The following CBLB variants were observed in gnomAD, a reference collection of about 807,000 sequenced individuals.
The protein encoded by CBLB is E3 ubiquitin-protein ligase CBL-B.
A neutral mutation model predicts 104.9 loss-of-function variants in CBLB; 31 were observed. That is an observed-to-expected ratio of 0.30 (90% confidence interval 0.22 to 0.40). The LOEUF (loss-of-function observed/expected upper bound fraction) is 0.40. Among genes scored for constraint, CBLB ranks in the 10% least tolerant of loss-of-function variants. CBLB has a pLI of 1.00. For missense variants in CBLB, 1,062 were observed against 1,214.6 expected (o/e 0.87, Z 1.87); for synonymous variants, 440 against 422.6 (o/e 1.04, Z -0.51).
intron 3 of CBLB, among the ~76,000 whole-genome samples, chr3:105,835,340 A>G (rs995667445): frequency 3.3e-5 from 5 of 152,218 alleles, no homozygotes; most frequent in Non-Finnish European, 7.4e-5. Context: ...ACTATCTCAC[A>G]GTGAAGGAAA....
At chr3:105,834,795 A>G (rs1488245486) in intron 3 of CBLB, among the ~76,000 whole-genome samples, 1 of 152,248 alleles carries the variant, frequency 6.6e-6, no homozygotes, top group Non-Finnish European at 1.5e-5. Context: ...CGACAATAAG[A>G]GCACAGATTT....
At chr3:105,784,813 CCT>C (rs547074259) in intron 3 of CBLB, among the ~76,000 whole-genome samples, 91 of 152,274 alleles carry the variant, frequency 6.0e-4, no homozygotes, top group African/African-American at 2.1e-3. Flanking sequence ...GTTAGAAACT[CCT>C]CAAGTATTTC....
At chr3:105,759,329 C>T (rs536928822) in intron 4 of CBLB, among the ~76,000 whole-genome samples, 86 of 152,314 alleles carry the variant, frequency 5.6e-4, no homozygotes, top group African/African-American at 1.7e-3. Context: ...TAAGTTTTCA[C>T]TCCCACTGTG....
chr3:105,781,966 C>T (rs1297169665), intron 3 of CBLB, among the ~76,000 whole-genome samples: 1 of 152,150 alleles, frequency 6.6e-6, no homozygotes, highest in Non-Finnish European at 1.5e-5. Context: ...AACTCACATC[C>T]AGCTAAAGAG....
rs977328196 is a variant in CBLB at position 105,687,861 on chromosome 3, G to A, written c.2055-2395C>T. ...ATCAAAAAAAATAACAGAAGAGGAT[G>A]GTACAAATGAGATAAAGAAGTTGTA... On this transcript the variant is annotated intron_variant, in intron 13 of 18. Transcript: ENST00000394030. 4.6e-5 allele frequency among the ~76,000 whole-genome samples: 7 copies of A among 150,984 alleles called. 1 individual carries two copies. Among genetic ancestry groups the A allele is most frequent in the African/African-American group, 1.2e-4 (5 of 41,180 alleles).
At chr3:105,742,631 A>G (rs910758299) in intron 6 of CBLB, among the ~76,000 whole-genome samples, 1 of 152,178 alleles carries the variant, frequency 6.6e-6, no homozygotes, top group African/African-American at 2.4e-5. Context: ...TATAAATTAT[A>G]ATTCAGAAGG....
chr3:105,659,732 G>A (rs1331759576), intron 18 of CBLB, among the ~76,000 whole-genome samples: 1 of 152,014 alleles, frequency 6.6e-6, no homozygotes, highest in Non-Finnish European at 1.5e-5. Context: ...CCATGTCACA[G>A]CAGAACTGCT....
In CBLB at chr3:105,702,476, G is replaced by GAAAAAAAAAA. The variant is rs34208930; in HGVS notation, c.1594-27_1594-18dup. The GAAAAAAAAAA allele has an allele frequency of 2.3e-3, 645 of 279,316 alleles. 4 individuals are homozygous for GAAAAAAAAAA. Among genetic ancestry groups the GAAAAAAAAAA allele is most frequent in the Middle Eastern group, 5.0e-3 (3 of 598 alleles). 17.3% of individuals were successfully genotyped at this position (279,316 alleles called of 1,614,324 possible). A position where few individuals can be genotyped will look rare whatever the true frequency, so the allele number is the denominator to read the frequency against. On this transcript the variant is annotated splice_polypyrimidine_tract_variant and intron_variant, in intron 11 of 18. Coordinates refer to ENST00000394030, the MANE Select transcript of CBLB (RefSeq NM_170662.5). ...AGGAGAAGACTAAAGAAACAGAAGA[G>GAAAAAAAAAA]AAAAAAAAAAAAAAAAAAAAAAACT...
At chr3:105,695,923 C>A (rs942680194) in intron 12 of CBLB, among the ~76,000 whole-genome samples, 8 of 151,604 alleles carry the variant, frequency 5.3e-5, no homozygotes, top group African/African-American at 1.9e-4. Context: ...TGCTGATTGG[C>A]TCAGATGCAC....
chr3:105,681,466 T>A lies in CBLB; in HGVS notation c.2428+13A>T, dbSNP rs1284193520. The A allele has an allele frequency of 6.2e-7, 1 of 1,613,720 alleles. No homozygotes were observed. Among genetic ancestry groups the A allele is most frequent in the East Asian group, 2.2e-5 (1 of 44,860 alleles). The stretch of plus-strand genomic sequence containing the variant: ...AGGGGTGGGTTGTTCAAAACTTTTT[T>A]AAAGGTTTCAACCTAATGGAGGGAT... On this transcript the variant is annotated intron_variant, in intron 16 of 18. Coordinates refer to ENST00000394030, the MANE Select transcript of CBLB (RefSeq NM_170662.5).
At chr3:105,849,181 T>C (rs552147346) in intron 3 of CBLB, among the ~76,000 whole-genome samples, 3 of 152,144 alleles carry the variant, frequency 2.0e-5, no homozygotes, top group African/African-American at 7.2e-5. Flanking sequence ...AATATATTAC[T>C]AGAAAAAGAA....
chr3:105,734,225 C>G (rs9657924), intron 8 of CBLB, 85 bp from the exon 9 acceptor site: 2 of 1,361,024 alleles, frequency 1.5e-6, no homozygotes, highest in Middle Eastern at 4.0e-4. Context: ...AATAAAATGA[C>G]GCACAGTCAA....
intron 13 of CBLB, among the ~76,000 whole-genome samples, chr3:105,686,307 C>T (rs1274622783): frequency 6.6e-6 from 1 of 152,072 alleles, no homozygotes; most frequent in African/African-American, 2.4e-5. Flanking sequence ...TGAAAAATGC[C>T]AAGGCAGAAA....
At chr3:105,816,688 G>T (rs1577458042) in intron 3 of CBLB, among the ~76,000 whole-genome samples, 1 of 152,196 alleles carries the variant, frequency 6.6e-6, no homozygotes, top group South Asian at 2.1e-4. Flanking sequence ...CTAATATAAA[G>T]CTAAGTACTT....
chr3:105,830,244 G>A (rs1204933410), intron 3 of CBLB, among the ~76,000 whole-genome samples: 2 of 152,166 alleles, frequency 1.3e-5, no homozygotes, highest in African/African-American at 2.4e-5. Context: ...ATAAAGCCAC[G>A]TAATAGGTGT....
intron 11 of CBLB, 65 bp from the exon 12 acceptor site, chr3:105,702,524 A>G: frequency 6.8e-7 from 1 of 1,461,050 alleles, no homozygotes; most frequent in Non-Finnish European, 9.1e-7. Context: ...ATGCACTGAC[A>G]GAACTTCCAA....
intron 3 of CBLB, among the ~76,000 whole-genome samples, chr3:105,783,428 G>T (rs986246246): frequency 6.6e-6 from 1 of 152,088 alleles, no homozygotes; most frequent in Non-Finnish European, 1.5e-5. Flanking sequence ...TAAGGTAAGA[G>T]AATCATATTC....
intron 6 of CBLB, among the ~76,000 whole-genome samples, chr3:105,740,833 TTTTA>T (rs1268672364): frequency 1.5e-4 from 23 of 152,316 alleles, no homozygotes; most frequent in African/African-American, 5.3e-4. Flanking sequence ...GATCATTTCT[TTTTA>T]TTTAAATACT....
At chr3:105,667,683 T>C (rs1204471254) in intron 18 of CBLB, among the ~76,000 whole-genome samples, 1 of 152,156 alleles carries the variant, frequency 6.6e-6, no homozygotes, top group Non-Finnish European at 1.5e-5. Context: ...ACTTTTTAGA[T>C]AAGAAAACAA....
Sources: gnomAD v4.1 joint callset for allele counts (sites outside exome capture counted in the v4.1 genomes callset) on GRCh38, gnomAD v4.1.1 for gene constraint, MANE v1.5 for transcripts, NCBI Gene and HGNC (gene_info 2026-07-23, HGNC 2026-07-21) for gene names.